The following ACSL5 variants were observed in gnomAD, a reference collection of about 807,000 sequenced individuals.
ACSL5 encodes acyl-CoA synthetase long chain family member 5.
In ACSL5, 50 loss-of-function variants were observed where a neutral mutation model predicts 84.9. The observed-to-expected ratio is 0.59, with a 90% CI of 0.47 to 0.75. ACSL5 has a LOEUF of 0.75. Ranked by LOEUF, ACSL5 falls within the 30% of genes least tolerant of loss-of-function variation. The pLI, the probability that ACSL5 is intolerant of heterozygous loss-of-function variation, is 0.00. For missense variants in ACSL5, 775 were observed against 830.4 expected (o/e 0.93, Z 0.82); for synonymous variants, 280 against 300.7 (o/e 0.93, Z 0.71).
At chr10:112,394,423 T>C (rs1330479263) in intron 1 of ACSL5, among the ~76,000 whole-genome samples, 1 of 152,204 alleles carries the variant, frequency 6.6e-6, no homozygotes, top group Non-Finnish European at 1.5e-5. Context: ...TCATACAAAA[T>C]GGTTAATTTC....
intron 1 of ACSL5, among the ~76,000 whole-genome samples, chr10:112,375,924 G>T (rs888911394): frequency 6.6e-6 from 1 of 152,214 alleles, no homozygotes; most frequent in African/African-American, 2.4e-5. Flanking sequence ...AGACTTTCCT[G>T]TCCTCCGAAT....
chr10:112,381,462 T>C (rs1407648585), intron 1 of ACSL5, among the ~76,000 whole-genome samples: 3 of 151,486 alleles, frequency 2.0e-5, no homozygotes, highest in Non-Finnish European at 4.4e-5. Flanking sequence ...GAAGTCAGAG[T>C]TCGAGACCAG....
intron 13 of ACSL5, 24 bp from the exon 14 acceptor site, chr10:112,417,822 A>G (rs1196415008): frequency 1.9e-6 from 3 of 1,602,190 alleles, no homozygotes; most frequent in East Asian, 2.2e-5. Flanking sequence ...AGGTTTTAGT[A>G]TGTCTTTTGT....
At chr10:112,381,898 A>G (rs1208469140) in intron 1 of ACSL5, among the ~76,000 whole-genome samples, 2 of 152,106 alleles carry the variant, frequency 1.3e-5, no homozygotes, top group Non-Finnish European at 2.9e-5. Flanking sequence ...CTCCGTCTCA[A>G]AAAAAATAAA....
Position 112,425,306 on chromosome 10 carries a change from A to G in ACSL5, c.1594-32A>G, listed in dbSNP as rs777007810. On this transcript the variant is annotated intron_variant, in intron 17 of 20. Transcript: ENST00000354655. The stretch of plus-strand genomic sequence containing the variant: ...CCACTGATATCATCTCTGTGGCTCA[A>G]AAATACTGATACTTTTATCTGTCTC... The G allele has an allele frequency of 6.3e-6, 10 of 1,581,050 alleles. No homozygotes were observed. The East Asian group carries it at 9.3e-5, about 15-fold the overall frequency.
chr10:112,427,354 A>G lies in ACSL5; in HGVS notation c.2048A>G (p.Asp683Gly). 6.2e-7 allele frequency: 1 copy of G among 1,612,144 alleles called. No individual in the cohort carries two copies. The highest frequency in any genetic ancestry group is 8.5e-7 in the Non-Finnish European group (1 of 1,179,162). Reference sequence around the variant, plus strand: ...GACAGCCTGTATGAGCACATCCAGGATTAGGATAAGGTACTTAAGTACCTG... The same window carrying G: ...GACAGCCTGTATGAGCACATCCAGGGTTAGGATAAGGTACTTAAGTACCTG... ...QIDSLYEHIQ[D>G] Residue 683 changes from aspartate to glycine, a missense_variant, in exon 21 of 21, where the codon GAT becomes GGT. Asp to Gly is a moderately conservative substitution (Grantham distance 94, BLOSUM62 -1). Transcript: ENST00000354655.
chr10:112,401,981 C>G (rs915047902), intron 3 of ACSL5, among the ~76,000 whole-genome samples: 1 of 146,046 alleles, frequency 6.8e-6, no homozygotes, highest in South Asian at 2.2e-4. Flanking sequence ...TTCTGTCTTT[C>G]TTTCTTCAGG....
At position 112,404,683 on chromosome 10, in the gene ACSL5, A is replaced by G. The variant is rs200125859; in HGVS notation, c.331-22A>G. The G allele has an allele frequency of 4.7e-5, 75 of 1,605,640 alleles. No homozygotes were observed. The African/African-American group carries it at 9.3e-4, about 20-fold the overall frequency. ...TCTTGACCTCTTCTCTCTCTCTCTC[A>G]CCCCATCTCTCTTTTTTGTAGGTGT... is the stretch of plus-strand genomic sequence containing the variant. On this transcript the variant is annotated intron_variant, in intron 4 of 20. Coordinates refer to ENST00000354655, the MANE Select transcript of ACSL5 (RefSeq NM_203379.2).
At chr10:112,421,336 G>A (rs10787447) in intron 14 of ACSL5, among the ~76,000 whole-genome samples, 71,451 of 150,644 alleles carry the variant, frequency 0.47, 17,176 homozygotes, top group Admixed American at 0.58. Flanking sequence ...TTTTTTTTGT[G>A]TTTTTGTAGA....
intron 17 of ACSL5, among the ~76,000 whole-genome samples, chr10:112,423,326 G>A (rs749246393): frequency 1.9e-4 from 26 of 137,020 alleles, no homozygotes; most frequent in Admixed American, 7.2e-4. Flanking sequence ...GTAATTTAAC[G>A]TGTGAATAGG....
At chr10:112,377,861 G>C (rs1046614874) in intron 1 of ACSL5, among the ~76,000 whole-genome samples, 1 of 152,192 alleles carries the variant, frequency 6.6e-6, no homozygotes, top group Non-Finnish European at 1.5e-5. Flanking sequence ...GTAATAAGAT[G>C]CTAATGGTGG....
At chr10:112,420,636 A>G (rs940403368) in intron 14 of ACSL5, among the ~76,000 whole-genome samples, 7 of 152,228 alleles carry the variant, frequency 4.6e-5, no homozygotes, top group Non-Finnish European at 8.8e-5. Context: ...GTCAAGTTCA[A>G]TTGCTATTGG....
Position 112,398,885 on chromosome 10 carries a change from T to G in ACSL5, c.157-16T>G. ...GGGAGACTTGAACTTGGCCTAAACT[T>G]GGTCTTGTGTCTTAGGGAGGAGCAC... On this transcript the variant is annotated splice_polypyrimidine_tract_variant and intron_variant, in intron 2 of 20. Coordinates refer to ENST00000354655, the MANE Select transcript of ACSL5 (RefSeq NM_203379.2). 1 of 1,609,744 alleles carries G rather than the reference T, an allele frequency of 6.2e-7. No individual in the cohort carries two copies. The highest frequency in any genetic ancestry group is 8.5e-7 in the Non-Finnish European group (1 of 1,176,052).
At chr10:112,406,012 G>A (rs1303244109) in intron 5 of ACSL5, among the ~76,000 whole-genome samples, 5 of 152,016 alleles carry the variant, frequency 3.3e-5, no homozygotes, top group Non-Finnish European at 5.9e-5. Flanking sequence ...AAGAGGTAGA[G>A]GAGATGGAAA....
chr10:112,411,183 T>A (rs1362798190), intron 9 of ACSL5, among the ~76,000 whole-genome samples: 1 of 152,154 alleles, frequency 6.6e-6, no homozygotes, highest in Non-Finnish European at 1.5e-5. Flanking sequence ...CAAGGAGGGT[T>A]AACTTGAATT....
At chr10:112,389,006 G>T (rs1849507643) in intron 1 of ACSL5, among the ~76,000 whole-genome samples, 1 of 152,162 alleles carries the variant, frequency 6.6e-6, no homozygotes, top group Non-Finnish European at 1.5e-5. Flanking sequence ...AAAAGAAAAT[G>T]ATTTTTAGCC....
chr10:112,396,542 T>A (rs1017206830), intron 2 of ACSL5: 1 of 152,178 alleles, frequency 6.6e-6, no homozygotes, highest in African/African-American at 2.4e-5. Context: ...TCATCTAAAT[T>A]CTCACAGCTA....
At chr10:112,402,865 G>A (rs1018714779) in intron 3 of ACSL5, among the ~76,000 whole-genome samples, 8 of 152,226 alleles carry the variant, frequency 5.3e-5, no homozygotes, top group South Asian at 2.1e-4. Flanking sequence ...TGGCTTAGAC[G>A]TGAGGGCTTC....
chr10:112,403,532 C>T (rs779525258), intron 3 of ACSL5, among the ~76,000 whole-genome samples: 10 of 152,282 alleles, frequency 6.6e-5, no homozygotes, highest in East Asian at 5.8e-4. Context: ...GTGATCTGCC[C>T]GCCTTGGCCT....
Sources: gnomAD v4.1 joint callset for allele counts (sites outside exome capture counted in the v4.1 genomes callset) on GRCh38, gnomAD v4.1.1 for gene constraint, MANE v1.5 for transcripts, NCBI Gene and HGNC (gene_info 2026-07-23, HGNC 2026-07-21) for gene names.